The following CEP97 variants were observed in gnomAD, a reference collection of about 807,000 sequenced individuals.
CEP97 encodes centrosomal protein of 97 kDa.
CEP97 carries 43 observed loss-of-function variants against 73.1 expected under a neutral mutation model. The ratio of observed to expected loss-of-function variants is 0.59; its 90% CI spans 0.46 to 0.76. The LOEUF (loss-of-function observed/expected upper bound fraction) is 0.76. CEP97 is among the 30% of genes least tolerant of loss of function. The probability of loss-of-function intolerance (pLI) is 0.00; values close to 1 mark genes in which losing one functional copy is unlikely to be tolerated. For synonymous variants in CEP97, 337 were observed against 370.0 expected, an observed-to-expected ratio of 0.91 and a Z score of 1.02; for missense variants, 939 against 1,014.0, an observed-to-expected ratio of 0.93 and a Z score of 1.00.
At chr3:101,737,636 A>G (rs1185783525) in intron 6 of CEP97, among the ~76,000 whole-genome samples, 1 of 152,226 alleles carries the variant, frequency 6.6e-6, no homozygotes, top group Admixed American at 6.5e-5. Context: ...ACACAAGCAA[A>G]GGCTGAGAGA....
chr3:101,736,812 T>C (rs1372201432), intron 6 of CEP97, among the ~76,000 whole-genome samples: 4 of 152,180 alleles, frequency 2.6e-5, no homozygotes, highest in Non-Finnish European at 5.9e-5. Context: ...CACAACTGCT[T>C]GCCAGCAAAA....
rs1051990971 is a variant in CEP97, at chr3:101,767,112, T to C, written c.*1561T>C. On this transcript the variant is annotated 3_prime_UTR_variant, in exon 11 of 11. Transcript: ENST00000341893. ...AGCTCATGGTATTTGTTGATAGTCA[T>C]AACATTTTTCCTGTATGGTAAGACG... 1 of 152,188 alleles carries C rather than the reference T, an allele frequency of 6.6e-6. No individual in the cohort carries two copies. Among genetic ancestry groups the C allele is most frequent in the Non-Finnish European group, 1.5e-5 (1 of 68,038 alleles). The allele number at this position is 152,188 out of a possible 1,614,324, so 9.4% of individuals were successfully genotyped here. A position where few individuals can be genotyped will look rare whatever the true frequency, so the allele number is the denominator to read the frequency against.
At chr3:101,757,335 T>G in intron 8 of CEP97, 139 bp downstream of exon 8, 26 of 885,840 alleles carry the variant, frequency 2.9e-5, no homozygotes, top group Non-Finnish European at 4.4e-5. Context: ...CTTATACATA[T>G]CTATGTATAA....
intron 6 of CEP97, among the ~76,000 whole-genome samples, chr3:101,747,485 T>C (rs1283156849): frequency 6.6e-6 from 1 of 151,806 alleles, no homozygotes; most frequent in East Asian, 1.9e-4. Flanking sequence ...GGTCTCGATC[T>C]CCTGACCTTG....
rs764406542 is a variant in CEP97 at position 101,763,174 on chromosome 3, T to G, written c.1893+614T>G. 9 of 1,271,010 alleles carry G rather than the reference T, an allele frequency of 7.1e-6. No homozygotes were observed. The African/African-American group carries it at 1.1e-4, about 15-fold the overall frequency. The allele number at this position is 1,271,010 out of a possible 1,614,324, so 78.7% of individuals were successfully genotyped here. Reference sequence around the variant, plus strand: ...TCTGGGCTCAAGCAGTCTTCCCTCCTCAGCCTCCCAAAGTGAGCCACATCA... The same window carrying G: ...TCTGGGCTCAAGCAGTCTTCCCTCCGCAGCCTCCCAAAGTGAGCCACATCA... On this transcript the variant is annotated intron_variant, in intron 10 of 10. Coordinates refer to ENST00000341893, the MANE Select transcript of CEP97 (RefSeq NM_024548.4).
chr3:101,725,940 C>G (rs191561622), intron 1 of CEP97, among the ~76,000 whole-genome samples: 2 of 151,824 alleles, frequency 1.3e-5, no homozygotes, highest in Admixed American at 1.3e-4. Context: ...GGTATTATCC[C>G]CACTTTACAG....
chr3:101,740,919 A>G (rs1021489052), intron 6 of CEP97, among the ~76,000 whole-genome samples: 3 of 152,208 alleles, frequency 2.0e-5, no homozygotes, highest in African/African-American at 7.2e-5. Flanking sequence ...ATTAGAAAAA[A>G]ATACTTGAAA....
At chr3:101,745,380 C>T (rs747258479) in intron 6 of CEP97, among the ~76,000 whole-genome samples, 17 of 152,138 alleles carry the variant, frequency 1.1e-4, no homozygotes, top group Non-Finnish European at 2.4e-4. Context: ...TCTGCTTCAG[C>T]CTCCTGAGTA....
At chr3:101,746,060 C>T (rs887643188) in intron 6 of CEP97, among the ~76,000 whole-genome samples, 1 of 152,146 alleles carries the variant, frequency 6.6e-6, no homozygotes, top group African/African-American at 2.4e-5. Flanking sequence ...CCAATTTCAT[C>T]CATGTCCCTA....
rs1244412978 is a variant in CEP97, at chr3:101,741,426, TTAAAC to T, written c.728+8777_728+8781del. Among the ~76,000 whole-genome samples the T allele has an allele frequency of 5.3e-5, 8 of 152,280 alleles. No homozygotes were observed. In the South Asian group the frequency reaches 1.0e-3, roughly 20 times the overall value. The stretch of plus-strand genomic sequence containing the variant: ...GCCAAAATTGACACATAGGATCTAA[TTAAAC>T]TAAAGAGCTTCTGCACAGCAAAAGA... On this transcript the variant is annotated intron_variant, in intron 6 of 10. Coordinates refer to ENST00000341893, the MANE Select transcript of CEP97 (RefSeq NM_024548.4).
chr3:101,741,522 TCAAAGGA>T (rs1938451322), intron 6 of CEP97, among the ~76,000 whole-genome samples: 1 of 152,040 alleles, frequency 6.6e-6, no homozygotes, highest in Non-Finnish European at 1.5e-5. Flanking sequence ...TATCCATCTG[TCAAAGGA>T]CCAATATCCA....
intron 6 of CEP97, among the ~76,000 whole-genome samples, chr3:101,747,575 T>G (rs1289374446): frequency 1.4e-5 from 2 of 147,080 alleles, no homozygotes; most frequent in African/African-American, 5.0e-5. Context: ...TTTTTTTTTT[T>G]GAGACAGTTT....
chr3:101,728,877 C>T lies in CEP97; in HGVS notation c.387C>T (p.Leu129=), dbSNP rs141892594. 51 of 1,608,252 alleles carry T rather than the reference C, an allele frequency of 3.2e-5. No homozygotes were observed. Among genetic ancestry groups the T allele is most frequent in the Admixed American group, 2.2e-4 (13 of 59,988 alleles). ...ATAGCTGCACAGCTCTACAGCATCT[C>T]GATTTATCAGACAATAATATATCCC... ...QINSCTALQH[L]DLSDNNISQI... is the part of the protein sequence containing the mutation. Residue 129 remains leucine (L), a synonymous_variant, in exon 4 of 11, where the codon CTC becomes CTT. Coordinates refer to ENST00000341893, the MANE Select transcript of CEP97 (RefSeq NM_024548.4).
rs1939369211 is a variant in CEP97 at position 101,768,366 on chromosome 3, A to G, written c.*2815A>G. 1.3e-5 allele frequency: 2 copies of G among 152,236 alleles called. No homozygotes were observed. The highest frequency in any genetic ancestry group is 2.9e-5 in the Non-Finnish European group (2 of 68,048). The allele number at this position is 152,236 out of a possible 1,614,324, so 9.4% of individuals were successfully genotyped here. A position where few individuals can be genotyped will look rare whatever the true frequency, so the allele number is the denominator to read the frequency against. On this transcript the variant is annotated 3_prime_UTR_variant, in exon 11 of 11. Coordinates refer to ENST00000341893, the MANE Select transcript of CEP97 (RefSeq NM_024548.4). Reference sequence around the variant, plus strand: ...AGTGAGTCAGTAAGGAAATCTCTGCATATTTCTCATTCTCTTTGAAAGAGG... The same window carrying G: ...AGTGAGTCAGTAAGGAAATCTCTGCGTATTTCTCATTCTCTTTGAAAGAGG...
chr3:101,727,560 G>A lies in CEP97; in HGVS notation c.345+19G>A. 6.3e-7 allele frequency: 1 copy of A among 1,581,922 alleles called. No homozygotes were observed. Among genetic ancestry groups the A allele is most frequent in the South Asian group, 1.2e-5 (1 of 85,004 alleles). On this transcript the variant is annotated intron_variant, in intron 3 of 10. Transcript: ENST00000341893. ...TCTTAAGGTGAATGGTTTCTTTTTT[G>A]TTTACAAAACTATTCTGCGTAAAAA...
In CEP97 at chr3:101,765,007, C is replaced by T. The variant is rs1939273128; in HGVS notation, c.2054C>T (p.Ala685Val). 6.2e-7 allele frequency: 1 copy of T among 1,614,134 alleles called. No homozygotes were observed. Among genetic ancestry groups the T allele is most frequent in the Non-Finnish European group, 8.5e-7 (1 of 1,180,022 alleles). ...SCDQNADWFIASDVAPQEKSL... is the reference protein window; with the variant it reads ...SCDQNADWFIVSDVAPQEKSL... ...GATCAAAATGCTGATTGGTTTATTG[C>T]TTCTGATGTAGCTCCTCAAGAGAAA... is the stretch of plus-strand genomic sequence containing the variant. Residue 685 changes from alanine (A) to valine (V), a missense_variant, in exon 11 of 11, where the codon GCT (alanine) becomes GTT (valine). Ala to Val is a moderately conservative substitution (Grantham distance 64, BLOSUM62 0). Transcript: ENST00000341893.
rs1010077064 is a variant in CEP97 at position 101,763,270 on chromosome 3, G to A, written c.1893+710G>A. 12 of 1,076,360 alleles carry A rather than the reference G, an allele frequency of 1.1e-5. No individual in the cohort carries two copies. In the African/African-American group the frequency reaches 1.8e-4, roughly 16 times the overall value. The allele number at this position is 1,076,360 out of a possible 1,614,324, so 66.7% of individuals were successfully genotyped here. ...AATAATTATTGATTTGTAAAGTTTT[G>A]TAGTTACCAACAATAGAGGAATGGT... On this transcript the variant is annotated intron_variant, in intron 10 of 10. Coordinates refer to ENST00000341893, the MANE Select transcript of CEP97 (RefSeq NM_024548.4).
intron 6 of CEP97, among the ~76,000 whole-genome samples, chr3:101,742,513 C>T (rs1938488369): frequency 6.6e-6 from 1 of 151,920 alleles, no homozygotes; most frequent in Non-Finnish European, 1.5e-5. Context: ...CCTGCATGTT[C>T]TCACTCATAA....
intron 6 of CEP97, among the ~76,000 whole-genome samples, chr3:101,739,864 C>T (rs1251909111): frequency 1.3e-5 from 2 of 151,448 alleles, no homozygotes; most frequent in South Asian, 2.1e-4. Flanking sequence ...GAGATCACAC[C>T]ACTGCACTCC....
Sources: gnomAD v4.1 joint callset for allele counts (sites outside exome capture counted in the v4.1 genomes callset) on GRCh38, gnomAD v4.1.1 for gene constraint, MANE v1.5 for transcripts, NCBI Gene and HGNC (gene_info 2026-07-23, HGNC 2026-07-21) for gene names.